PDE8B: variants seen among roughly 807,000 people sequenced by gnomAD.
PDE8B encodes the protein high affinity cAMP-specific and IBMX-insensitive 3',5'-cyclic phosphodiesterase 8B.
In PDE8B, 26 loss-of-function variants were observed where a neutral mutation model predicts 101.3. That is an observed-to-expected ratio of 0.26 (90% confidence interval 0.19 to 0.36). PDE8B has a LOEUF of 0.36. PDE8B is among the 10% of genes least tolerant of loss of function. The probability of loss-of-function intolerance (pLI) is 1.00; values close to 1 mark genes in which losing one functional copy is unlikely to be tolerated. For synonymous variants in PDE8B, 424 were observed against 429.3 expected (o/e 0.99, Z 0.15); for missense variants, 810 against 1,163.1 (o/e 0.70, Z 4.42).
chr5:77,187,430 C>T, the PDE8B span, among the ~76,000 whole-genome samples: 1 of 151,608 alleles, frequency 6.6e-6, no homozygotes, highest in African/African-American at 2.4e-5. Flanking sequence ...TCTTACATGT[C>T]AAGTAACTAA....
intron 9 of PDE8B, among the ~76,000 whole-genome samples, chr5:77,352,098 T>C (rs1781245573): frequency 6.6e-6 from 1 of 152,206 alleles, no homozygotes. Context: ...ATTTTGTAAT[T>C]TGAAGCTCCC....
intron 10 of PDE8B, among the ~76,000 whole-genome samples, chr5:77,365,824 C>T (rs550841974): frequency 1.3e-4 from 20 of 152,300 alleles, no homozygotes; most frequent in African/African-American, 4.6e-4. Context: ...GCCATGTTTC[C>T]AGCACTTAGC....
intron 1 of PDE8B, among the ~76,000 whole-genome samples, chr5:77,262,694 C>T (rs1561435095): frequency 6.6e-6 from 1 of 152,212 alleles, no homozygotes; most frequent in Non-Finnish European, 1.5e-5. Flanking sequence ...TTTTCTACTT[C>T]TGTCTTTAGT....
the PDE8B span, among the ~76,000 whole-genome samples, chr5:77,168,828 G>A: frequency 1.8e-4 from 27 of 152,252 alleles, no homozygotes; most frequent in East Asian, 2.3e-3. Context: ...GCTCCACCTC[G>A]TCCCTGCAGA....
chr5:77,246,780 C>T (rs1311450419), intron 1 of PDE8B: 2 of 152,162 alleles, frequency 1.3e-5, no homozygotes, highest in African/African-American at 4.8e-5. Context: ...AAGCTGTGAG[C>T]TCGTTGAGGA....
intron 6 of PDE8B, among the ~76,000 whole-genome samples, chr5:77,340,411 A>G (rs951275): frequency 0.2 from 30,395 of 152,144 alleles, 3,499 homozygotes; most frequent in Middle Eastern, 0.33. Context: ...GCTTAAAATA[A>G]CCAGTCCCTA....
At position 77,413,052 on chromosome 5, in the gene PDE8B, G is replaced by T; in HGVS notation, c.1713-59G>T. 5 of 1,420,424 alleles carry T rather than the reference G, an allele frequency of 3.5e-6. No individual in the cohort carries two copies. The East Asian group carries it at 9.1e-5, about 26-fold the overall frequency. 88.0% of individuals were successfully genotyped at this position (1,420,424 alleles called of 1,614,324 possible). A position where few individuals can be genotyped will look rare whatever the true frequency, so the allele number is the denominator to read the frequency against. Reference sequence around the variant, plus strand: ...GCTTCCATGCCCCACTATCATCAAAGAAAACAGTTTCTGGGCCAGTGAATA... The same window carrying T: ...GCTTCCATGCCCCACTATCATCAAATAAAACAGTTTCTGGGCCAGTGAATA... On this transcript the variant is annotated intron_variant, in intron 16 of 21. Transcript: ENST00000264917.
chr5:77,415,058 A>T (rs1210869004), intron 17 of PDE8B, among the ~76,000 whole-genome samples: 1 of 152,184 alleles, frequency 6.6e-6, no homozygotes, highest in Non-Finnish European at 1.5e-5. Flanking sequence ...GATTGGACAG[A>T]ATATGTTTAC....
chr5:77,410,194 T>C (rs1794267241), intron 14 of PDE8B, among the ~76,000 whole-genome samples: 1 of 152,256 alleles, frequency 6.6e-6, no homozygotes, highest in Non-Finnish European at 1.5e-5. Context: ...GCAGTTGTAC[T>C]GCAGTGGCAG....
intron 6 of PDE8B, 58 bp downstream of exon 6, chr5:77,337,373 T>A: frequency 1.1e-6 from 1 of 891,028 alleles, no homozygotes; most frequent in Non-Finnish European, 1.9e-6. Flanking sequence ...AAATCTTATC[T>A]GTCAACAGGC....
chr5:77,299,382 A>C lies in PDE8B; in HGVS notation c.340-12612A>C, dbSNP rs183056998. On this transcript the variant is annotated intron_variant, in intron 1 of 21. Transcript: ENST00000264917. ...GGTGTGCTGCACCCATTAACTCGTC[A>C]TTTAGCATTAGGTATATCTCCTAAT... 4.5e-3 allele frequency among the ~76,000 whole-genome samples: 672 copies of C among 150,404 alleles called. 3 individuals are homozygous for C. The highest frequency in any genetic ancestry group is 8.0e-3 in the Admixed American group (121 of 15,134).
chr5:77,178,597 C>T, the PDE8B span, among the ~76,000 whole-genome samples: 8 of 152,286 alleles, frequency 5.3e-5, no homozygotes, highest in East Asian at 1.9e-4. Context: ...AAAGTATATT[C>T]GTTTGCTATT....
chr5:77,205,573 G>GA (rs900653806), upstream of PDE8B, among the ~76,000 whole-genome samples: 64 of 149,820 alleles, frequency 4.3e-4, no homozygotes, highest in East Asian at 1.6e-3. Flanking sequence ...CTGTCCAAAG[G>GA]AAAAAAAAAT....
chr5:77,132,097 C>G, the PDE8B span, among the ~76,000 whole-genome samples: 1 of 152,104 alleles, frequency 6.6e-6, no homozygotes, highest in African/African-American at 2.4e-5. Flanking sequence ...GAAATTTGCT[C>G]TCACCAAAGT....
chr5:77,204,931 A>G, the PDE8B span, among the ~76,000 whole-genome samples: 4 of 152,130 alleles, frequency 2.6e-5, no homozygotes, highest in African/African-American at 9.7e-5. Context: ...TCATTTCTAT[A>G]TCCTTTTATG....
intron 6 of PDE8B, among the ~76,000 whole-genome samples, chr5:77,339,638 G>A (rs1040825518): frequency 1.3e-5 from 2 of 152,138 alleles, no homozygotes; most frequent in African/African-American, 4.8e-5. Context: ...CTGGGAAAAT[G>A]AGGCTCTTTA....
the PDE8B span, among the ~76,000 whole-genome samples, chr5:77,170,859 T>C: frequency 2.6e-5 from 4 of 152,336 alleles, no homozygotes; most frequent in South Asian, 8.3e-4. Context: ...GGTTGCTAAT[T>C]CATTCATTCA....
chr5:77,354,002 A>G (rs145612777), intron 10 of PDE8B, among the ~76,000 whole-genome samples: 57 of 152,340 alleles, frequency 3.7e-4, no homozygotes, highest in African/African-American at 1.4e-3. Context: ...ATGCATTGTA[A>G]TTTGTAGATT....
At chr5:77,162,723 G>A in the PDE8B span, among the ~76,000 whole-genome samples, 106 of 152,256 alleles carry the variant, frequency 7.0e-4, no homozygotes, top group African/African-American at 2.5e-3. Flanking sequence ...AGAAATAGTG[G>A]TATTAAAGCT....
Sources: allele counts gnomAD v4.1 joint callset (sites outside exome capture counted in the v4.1 genomes callset), GRCh38; gene constraint gnomAD v4.1.1; transcripts MANE v1.5; gene names NCBI Gene and HGNC (gene_info 2026-07-23, HGNC 2026-07-21).